Variants in CDH7 observed in about 807,000 individuals in gnomAD.
CDH7 encodes the protein cadherin 7, also known as cadherin-7.
A neutral mutation model predicts 71.8 loss-of-function variants in CDH7; 25 were observed. That is an observed-to-expected ratio of 0.35 (90% CI 0.25 to 0.49). The LOEUF is 0.49. Ranked by LOEUF, CDH7 falls within the 20% of genes least tolerant of loss-of-function variation. The pLI is 0.99. For synonymous variants in CDH7, 381 were observed against 363.8 expected, an observed-to-expected ratio of 1.05 and a Z score of -0.54; for missense variants, 862 against 974.6, an observed-to-expected ratio of 0.88 and a Z score of 1.54.
intron 11 of CDH7, among the ~76,000 whole-genome samples, chr18:65,878,136 G>A (rs1262000303): frequency 6.6e-6 from 1 of 152,104 alleles, no homozygotes; most frequent in African/African-American, 2.4e-5. Flanking sequence ...TATGTCCTGT[G>A]TGCAGACCTT....
chr18:65,764,800 T>TA (rs1224128490), intron 2 of CDH7, among the ~76,000 whole-genome samples: 5 of 152,078 alleles, frequency 3.3e-5, no homozygotes, highest in African/African-American at 1.2e-4. Flanking sequence ...GTTGACATTT[T>TA]AAAAATCTAT....
In CDH7 at chr18:65,842,854, TTTTTTTTCACTG is replaced by T. The variant is rs1031977254; in HGVS notation, c.982-952_982-941del. Among the ~76,000 whole-genome samples, 6 of 149,482 alleles carry T rather than the reference TTTTTTTTCACTG, an allele frequency of 4.0e-5. No homozygotes were observed. In the Admixed American group the frequency reaches 4.0e-4, roughly 10 times the overall value. On this transcript the variant is annotated intron_variant, in intron 6 of 11. Transcript: ENST00000397968. The stretch of plus-strand genomic sequence containing the variant: ...TATTTTTCAGTATTCCTGTAAAGTT[TTTTTTTTCACTG>T]TTTTTAATTCTTTTTGTTTTACATC...
chr18:65,789,609 T>A (rs1224821451), intron 2 of CDH7, among the ~76,000 whole-genome samples: 1 of 151,942 alleles, frequency 6.6e-6, no homozygotes, highest in Non-Finnish European at 1.5e-5. Context: ...GAAAACCAAG[T>A]CGGTGAGAGT....
At chr18:65,872,645 C>A (rs1913961919) in intron 11 of CDH7, among the ~76,000 whole-genome samples, 1 of 152,086 alleles carries the variant, frequency 6.6e-6, no homozygotes, top group African/African-American at 2.4e-5. Flanking sequence ...ACTGTAATCC[C>A]AGCAGTTTGG....
At chr18:65,804,998 A>G (rs1911264710) in intron 2 of CDH7, among the ~76,000 whole-genome samples, 1 of 152,120 alleles carries the variant, frequency 6.6e-6, no homozygotes, top group Non-Finnish European at 1.5e-5. Context: ...AAAAGCTATT[A>G]AAACTTAAAT....
intron 4 of CDH7, among the ~76,000 whole-genome samples, chr18:65,820,081 T>C (rs1349766886): frequency 2.2e-4 from 5 of 23,232 alleles, no homozygotes; most frequent in Non-Finnish European, 7.7e-4. Context: ...CAGATTTTTT[T>C]CCTATACTTA....
chr18:65,853,932 T>TCC (rs1159263023), intron 7 of CDH7, among the ~76,000 whole-genome samples: 19 of 94,934 alleles, frequency 2.0e-4, no homozygotes, highest in African/African-American at 9.2e-4. Flanking sequence ...TATATATATA[T>TCC]ATATATATAT....
rs1914370082 is a variant in CDH7, at chr18:65,886,155, T to C, written c.*5261T>C. 1 of 152,168 alleles carries C rather than the reference T, an allele frequency of 6.6e-6. No individual in the cohort carries two copies. Among genetic ancestry groups the C allele is most frequent in the Non-Finnish European group, 1.5e-5 (1 of 68,038 alleles). 9.4% of individuals were successfully genotyped at this position (152,168 alleles called of 1,614,324 possible). ...GCTTCATGATTAAAATTGAGTTAAT[T>C]ACTATTGTGTTTCAGAGGCTTGTGA... On this transcript the variant is annotated 3_prime_UTR_variant, in exon 12 of 12. Coordinates refer to ENST00000397968, the MANE Select transcript of CDH7 (RefSeq NM_004361.5).
intron 11 of CDH7, among the ~76,000 whole-genome samples, chr18:65,872,435 G>A (rs368941394): frequency 6.6e-5 from 10 of 152,266 alleles, no homozygotes; most frequent in African/African-American, 2.4e-4. Context: ...TCAGGAAAGT[G>A]TTTCCACTTA....
chr18:65,848,397 C>A (rs548379494), intron 7 of CDH7, among the ~76,000 whole-genome samples: 73 of 152,150 alleles, frequency 4.8e-4, no homozygotes, highest in African/African-American at 1.6e-3. Context: ...AATAAGAGCT[C>A]ATAAAAGTTA....
intron 2 of CDH7, among the ~76,000 whole-genome samples, chr18:65,795,717 G>T (rs1910887253): frequency 6.6e-6 from 1 of 152,094 alleles, no homozygotes; most frequent in African/African-American, 2.4e-5. Flanking sequence ...TGCATGTTCA[G>T]GTAACATATT....
intron 2 of CDH7, among the ~76,000 whole-genome samples, chr18:65,764,528 A>C (rs1916296525): frequency 6.6e-6 from 1 of 152,036 alleles, no homozygotes; most frequent in South Asian, 2.1e-4. Flanking sequence ...TCTTATAAAG[A>C]AATTGAGAGG....
chr18:65,846,940 T>C (rs530090449), intron 7 of CDH7, among the ~76,000 whole-genome samples: 1 of 152,306 alleles, frequency 6.6e-6, no homozygotes, highest in East Asian at 1.9e-4. Context: ...TCCATGCCAT[T>C]TTAATTCTGA....
rs773420619 is a variant in CDH7 at position 65,762,952 on chromosome 18, A to G, written c.110A>G (p.Tyr37Cys). 5.6e-6 allele frequency: 9 copies of G among 1,613,440 alleles called. No individual in the cohort carries two copies. The East Asian group carries it at 1.1e-4, about 20-fold the overall frequency. ...CTCTCAAGGTCCAGATCAAAGCCCT[A>G]TTTCCAATCAGGGAGGTCCCGGACC... ...AELSRSRSKPYFQSGRSRTKR... is the reference protein window; with the variant it reads ...AELSRSRSKPCFQSGRSRTKR... Residue 37 changes from tyrosine (Y) to cysteine (C), a missense_variant, in exon 2 of 12, where the codon TAT becomes TGT. Tyr to Cys is a radical substitution (Grantham distance 194). Transcript: ENST00000397968.
At position 65,850,930 on chromosome 18, in the gene CDH7, G is replaced by A. The variant is rs189974493; in HGVS notation, c.1235+6865G>A. 5.3e-5 allele frequency among the ~76,000 whole-genome samples: 8 copies of A among 150,532 alleles called. No individual in the cohort carries two copies. In the East Asian group the frequency reaches 1.6e-3, roughly 30 times the overall value. ...GGGCTCAGGTGATCCTCCCATTTCA[G>A]CCTCCCCAGCAACTAGGACTACAGG... On this transcript the variant is annotated intron_variant, in intron 7 of 11. Transcript: ENST00000397968.
intron 6 of CDH7, among the ~76,000 whole-genome samples, chr18:65,839,254 C>T (rs1363022096): frequency 6.6e-6 from 1 of 152,182 alleles, no homozygotes; most frequent in African/African-American, 2.4e-5. Context: ...GATGTTTAAA[C>T]AGCCAATATT....
chr18:65,801,694 C>A (rs548834692), intron 2 of CDH7, among the ~76,000 whole-genome samples: 1 of 152,270 alleles, frequency 6.6e-6, no homozygotes, highest in East Asian at 1.9e-4. Flanking sequence ...TTGTCCATAT[C>A]TTTGTCTAGG....
In CDH7 at chr18:65,883,879, C is replaced by T. The variant is rs1914300754; in HGVS notation, c.*2985C>T. On this transcript the variant is annotated 3_prime_UTR_variant, in exon 12 of 12. Transcript: ENST00000397968. ...TGGTAGTGATTTCCTGAAGTGAAAT[C>T]CTTGGAGCTACTTGTAGACAGGGAG... is the stretch of plus-strand genomic sequence containing the variant. The T allele has an allele frequency of 3.9e-5, 6 of 152,042 alleles. No homozygotes were observed. The South Asian group carries it at 1.2e-3, about 31-fold the overall frequency. The allele number at this position is 152,042 out of a possible 1,614,324, so 9.4% of individuals were successfully genotyped here. A position where few individuals can be genotyped will look rare whatever the true frequency, so the allele number is the denominator to read the frequency against.
At position 65,779,108 on chromosome 18, in the gene CDH7, TA is replaced by T. The variant is rs368102170; in HGVS notation, c.210+16057del. On this transcript the variant is annotated intron_variant, in intron 2 of 11. Transcript: ENST00000397968. ...TTTTTTTTAATGGAAAAAATGAGTT[TA>T]TTTTTTAGTAAATTTTGTAGATGCA... 5.8e-3 allele frequency among the ~76,000 whole-genome samples: 885 copies of T among 151,914 alleles called. 3 individuals carry two copies. Among genetic ancestry groups the T allele is most frequent in the African/African-American group, 0.021 (857 of 41,368 alleles).
Sources: gnomAD v4.1 joint callset for allele counts (sites outside exome capture counted in the v4.1 genomes callset) on GRCh38, gnomAD v4.1.1 for gene constraint, MANE v1.5 for transcripts, NCBI Gene and HGNC (gene_info 2026-07-23, HGNC 2026-07-21) for gene names.